The following STK25 variants were observed in gnomAD, a reference collection of about 807,000 sequenced individuals.
The protein encoded by STK25 is serine/threonine-protein kinase 25.
In STK25, 29 loss-of-function variants were observed where a neutral mutation model predicts 53.8. The ratio of observed to expected loss-of-function variants is 0.54; its 90% confidence interval spans 0.40 to 0.74. The LOEUF (loss-of-function observed/expected upper bound fraction) is 0.74, where lower values mean the gene tolerates loss of function less well. Ranked by LOEUF, STK25 falls within the 30% of genes least tolerant of loss-of-function variation. The probability of loss-of-function intolerance (pLI) is 0.00; values close to 1 mark genes in which losing one functional copy is unlikely to be tolerated. For missense variants in STK25, 420 were observed against 568.0 expected (o/e 0.74, Z 2.65); for synonymous variants, 247 against 238.3 (o/e 1.04, Z -0.33).
At chr2:241,507,256 C>T (rs1042760802) in intron 2 of STK25, among the ~76,000 whole-genome samples, 7 of 152,164 alleles carry the variant, frequency 4.6e-5, no homozygotes, top group Admixed American at 2.0e-4. Flanking sequence ...TTGGCTGACC[C>T]CACCCTCCTT....
At chr2:241,502,758 A>T (rs1414390615) in intron 2 of STK25, among the ~76,000 whole-genome samples, 2 of 150,980 alleles carry the variant, frequency 1.3e-5, no homozygotes, top group African/African-American at 2.4e-5. Flanking sequence ...AAAAAATTTA[A>T]AAAAAAAAAC....
At chr2:241,507,200 C>T (rs2065883554) in intron 2 of STK25, among the ~76,000 whole-genome samples, 1 of 152,126 alleles carries the variant, frequency 6.6e-6, no homozygotes, top group Non-Finnish European at 1.5e-5. Context: ...CGGCCAGAGT[C>T]AAAAAAGTGG....
rs894017662 is a variant in STK25, at chr2:241,501,828, G to A, written c.31-120C>T. On this transcript the variant is annotated intron_variant, in intron 2 of 11. Transcript: ENST00000316586. This position sits in a 1 kb window ranked among gnomAD's most constrained non-coding sequence, Gnocchi z 5.3. ...TAGGGAAGGGGGAGTCCAAGGGAGC[G>A]CACCTCAATTCTTCTCTGGTTTCTT... The A allele has an allele frequency of 1.5e-5, 10 of 673,288 alleles. No homozygotes were observed. Among genetic ancestry groups the A allele is most frequent in the Non-Finnish European group, 2.3e-5 (9 of 395,926 alleles). The allele number at this position is 673,288 out of a possible 1,614,324, so 41.7% of individuals were successfully genotyped here.
At chr2:241,500,457 TA>T (rs1392482737) in intron 4 of STK25, among the ~76,000 whole-genome samples, 176 bp from the exon 5 acceptor site, 1 of 152,046 alleles carries the variant, frequency 6.6e-6, no homozygotes, top group Non-Finnish European at 1.5e-5. Flanking sequence ...AGGCTCTTTC[TA>T]AAGCATATAA....
intron 2 of STK25, among the ~76,000 whole-genome samples, chr2:241,505,851 C>G (rs564902262): frequency 6.6e-6 from 1 of 152,314 alleles, no homozygotes; most frequent in East Asian, 1.9e-4. Flanking sequence ...GGCCTGGAGG[C>G]TGCGAATCCT....
In STK25 at chr2:241,508,548, C is replaced by T; in HGVS notation, c.-206G>A. On this transcript the variant is annotated 5_prime_UTR_variant, in exon 1 of 12. Transcript: ENST00000316586. ...CGGGGACCCCGGGCCTCCCAGCCCG[C>T]GAAGCAACGGTGGTGGCGGCAGCGA... 3 of 996,580 alleles carry T rather than the reference C, an allele frequency of 3.0e-6. No individual in the cohort carries two copies. Among genetic ancestry groups the T allele is most frequent in the Non-Finnish European group, 3.6e-6 (3 of 836,468 alleles). The allele number at this position is 996,580 out of a possible 1,614,324, so 61.7% of individuals were successfully genotyped here.
intron 11 of STK25, 140 bp from the exon 12 acceptor site, chr2:241,495,841 G>C (rs2065119000): frequency 1.2e-6 from 1 of 814,004 alleles, no homozygotes; most frequent in African/African-American, 1.7e-5. Flanking sequence ...CAATGCACAG[G>C]GTCTCAGGAG....
chr2:241,502,764 AAAAC>A (rs2065589440), intron 2 of STK25, among the ~76,000 whole-genome samples: 1 of 152,062 alleles, frequency 6.6e-6, no homozygotes, highest in Non-Finnish European at 1.5e-5. Context: ...TTTAAAAAAA[AAAAC>A]CTCATCAAAA....
upstream of STK25, chr2:241,508,665 C>G (rs1036005694): frequency 1.0e-6 from 1 of 985,908 alleles, no homozygotes; most frequent in African/African-American, 1.7e-5. Context: ...CCGCCCACTC[C>G]GGGCCCGGAA....
chr2:241,501,280 G>A lies in STK25; in HGVS notation c.261+198C>T. 1.6e-6 allele frequency: 1 copy of A among 638,860 alleles called. No individual in the cohort carries two copies. The highest frequency in any genetic ancestry group is 1.8e-5 in the South Asian group (1 of 55,688). 39.6% of individuals were successfully genotyped at this position (638,860 alleles called of 1,614,324 possible). A position where few individuals can be genotyped will look rare whatever the true frequency, so the allele number is the denominator to read the frequency against. On this transcript the variant is annotated intron_variant, in intron 3 of 11. Transcript: ENST00000316586. This position sits in a 1 kb window ranked among gnomAD's most constrained non-coding sequence, Gnocchi z 5.3. Reference sequence around the variant, plus strand: ...CTGCATTACCACAGGCAGGCAAGTGGGTCCCAATGGCCATTTAGAGCCAAC... The same window carrying A: ...CTGCATTACCACAGGCAGGCAAGTGAGTCCCAATGGCCATTTAGAGCCAAC...
chr2:241,505,469 C>G (rs959985971), intron 2 of STK25, among the ~76,000 whole-genome samples: 59 of 152,146 alleles, frequency 3.9e-4, no homozygotes, highest in Non-Finnish European at 2.9e-5. Context: ...GGGCCATGAC[C>G]TGGCAGCATT....
rs965947158 is a variant in STK25 at position 241,497,528 on chromosome 2, C to G, written c.1104+88G>C. Reference sequence around the variant, plus strand: ...AAAGCTAGAAGCTGAAACCACCCCACAGTGCTGTGAGGGAGACATCTCCGT... The same window carrying G: ...AAAGCTAGAAGCTGAAACCACCCCAGAGTGCTGTGAGGGAGACATCTCCGT... On this transcript the variant is annotated intron_variant, in intron 10 of 11. Transcript: ENST00000316586. 7.3e-6 allele frequency: 10 copies of G among 1,361,020 alleles called. No individual in the cohort carries two copies. The East Asian group carries it at 2.3e-4, about 32-fold the overall frequency. 84.3% of individuals were successfully genotyped at this position (1,361,020 alleles called of 1,614,324 possible).
At chr2:241,500,376 A>T in intron 4 of STK25, 95 bp from the exon 5 acceptor site, 1 of 854,450 alleles carries the variant, frequency 1.2e-6, no homozygotes, top group Non-Finnish European at 1.9e-6. Flanking sequence ...CTGTCCCTGC[A>T]GATAGCTGGG....
At chr2:241,507,422 C>T (rs1015207262) in intron 2 of STK25, among the ~76,000 whole-genome samples, 37 of 152,358 alleles carry the variant, frequency 2.4e-4, no homozygotes, top group Non-Finnish European at 4.4e-4. Flanking sequence ...CATGTTCGGG[C>T]AACCGCCCGT....
chr2:241,499,968 T>C, intron 5 of STK25: 2 of 671,118 alleles, frequency 3.0e-6, no homozygotes, highest in Non-Finnish European at 5.5e-6. Context: ...CCACAGCTGG[T>C]TTCCTCAGCG....
rs3771590 is a variant in STK25 at position 241,496,823 on chromosome 2, C to T, written c.1105-289G>A. On this transcript the variant is annotated intron_variant, in intron 10 of 11. Transcript: ENST00000316586. The surrounding 1 kb of genome is among the most constrained non-coding windows in gnomAD (Gnocchi z 5.8). ...GGGGACCAGATGGCTTCCTCCCAGC[C>T]GAGGGTCATGGAAGCCACTCAATGG... Among the ~76,000 whole-genome samples, 41,028 of 151,960 alleles carry T rather than the reference C, an allele frequency of 0.27. 6,444 individuals carry two copies. The highest frequency in any genetic ancestry group is 0.36 in the Non-Finnish European group (24,604 of 67,900).
intron 2 of STK25, chr2:241,502,016 T>G: frequency 3.4e-6 from 1 of 295,730 alleles, no homozygotes; most frequent in Non-Finnish European, 6.6e-6. Flanking sequence ...ACAAAAAAAT[T>G]ATCTGGGCGT....
At position 241,498,796 on chromosome 2, in the gene STK25, CA is replaced by C. The variant is rs1359977281; in HGVS notation, c.772-13del. On this transcript the variant is annotated splice_polypyrimidine_tract_variant and intron_variant, in intron 7 of 11. Coordinates refer to ENST00000316586, the MANE Select transcript of STK25 (RefSeq NM_001271977.2). ...TTGGCCGTGGGCCGCTGCAGGGGGT[CA>C]GGGGAACACTAGTCACTGGGCCCAG... 2 of 1,613,580 alleles carry C rather than the reference CA, an allele frequency of 1.2e-6. No individual in the cohort carries two copies. The highest frequency in any genetic ancestry group is 2.7e-5 in the African/African-American group (2 of 75,054).
At chr2:241,502,925 A>G (rs967276904) in intron 2 of STK25, among the ~76,000 whole-genome samples, 1 of 152,158 alleles carries the variant, frequency 6.6e-6, no homozygotes, top group Non-Finnish European at 1.5e-5. Context: ...TGATGCAGAA[A>G]GCTGCCTCAC....
Sources: allele counts gnomAD v4.1 joint callset (sites outside exome capture counted in the v4.1 genomes callset), GRCh38; gene constraint gnomAD v4.1.1; non-coding constraint Gnocchi (gnomAD v3.1); transcripts MANE v1.5; gene names NCBI Gene and HGNC (gene_info 2026-07-23, HGNC 2026-07-21).